Variants in HNRNPA1L2 observed in about 807,000 individuals in gnomAD.
HNRNPA1L2 encodes heterogeneous nuclear ribonucleoprotein A1 like 2.
HNRNPA1L2 carries 10 observed loss-of-function variants against 18.2 expected under a neutral mutation model. The observed-to-expected ratio is 0.55, with a 90% CI of 0.34 to 0.93. The LOEUF is 0.93. HNRNPA1L2 is among the 40% of genes least tolerant of loss of function. The pLI, the probability that HNRNPA1L2 is intolerant of heterozygous loss-of-function variation, is 0.02. For synonymous variants in HNRNPA1L2, 124 were observed against 138.6 expected (o/e 0.89, Z 0.74); for missense variants, 308 against 394.4 (o/e 0.78, Z 1.85).
In HNRNPA1L2 at chr13:52,643,367, G is replaced by T. The variant is rs1357424338; in HGVS notation, c.875G>T (p.Gly292Val). The T allele has an allele frequency of 6.3e-7, 1 of 1,598,480 alleles. No homozygotes were observed. Among genetic ancestry groups the T allele is most frequent in the Admixed American group, 1.7e-5 (1 of 60,018 alleles). The stretch of plus-strand genomic sequence containing the variant: ...AGAAGCTCTGGCCCCTATGGCGGTG[G>T]AGGCCAATACTTTGCAAAACCACAA... Reference protein sequence around the residue: ...GGRSSGPYGGGGQYFAKPQNQ... With the variant: ...GGRSSGPYGGVGQYFAKPQNQ... Residue 292 changes from glycine to valine, a missense_variant, in exon 1 of 1, where the codon GGA becomes GTA. Coordinates refer to ENST00000357495, the MANE Select transcript of HNRNPA1L2 (RefSeq NM_001389320.1).
At chr13:52,621,360 T>G in the HNRNPA1L2 span, among the ~76,000 whole-genome samples, 1 of 152,214 alleles carries the variant, frequency 6.6e-6, no homozygotes, top group Non-Finnish European at 1.5e-5. Flanking sequence ...AGAATGTTGA[T>G]CAGATTAAAA....
At chr13:52,627,672 A>G in the HNRNPA1L2 span, 2 of 152,340 alleles carry the variant, frequency 1.3e-5, no homozygotes, top group Non-Finnish European at 1.5e-5. Flanking sequence ...TATATACCAC[A>G]TAAGTGGAAT....
rs1336457589 is a variant in HNRNPA1L2 at position 52,642,966 on chromosome 13, C to T, written c.474C>T (p.Ser158=). ...FAFVTFDDHD[S]VDKIVIQKYH... is the part of the protein sequence containing the mutation. ...TTGTAACCTTTGACGACCATGACTC[C>T]GTGGATAAGATTGTCATTCAGAAAT... is the stretch of plus-strand genomic sequence containing the variant. Residue 158 remains serine (S), a synonymous_variant, in exon 1 of 1, where the codon TCC becomes TCT. Transcript: ENST00000357495. The T allele has an allele frequency of 1.0e-5, 16 of 1,597,086 alleles. No homozygotes were observed. Among genetic ancestry groups the T allele is most frequent in the Admixed American group, 1.0e-4 (6 of 59,978 alleles).
chr13:52,632,763 T>C, the HNRNPA1L2 span, among the ~76,000 whole-genome samples: 14 of 152,226 alleles, frequency 9.2e-5, no homozygotes, highest in Non-Finnish European at 1.5e-4. Context: ...TCTGGGCAGC[T>C]CTAGAGTCAC....
At chr13:52,642,326 A>C (rs1307066244), upstream of HNRNPA1L2, 1 of 885,976 alleles carries the variant, frequency 1.1e-6, no homozygotes, top group African/African-American at 1.7e-5. Context: ...CATACACTAA[A>C]AAATGTTCAG....
Position 52,643,171 on chromosome 13 carries a change from G to A in HNRNPA1L2, c.679G>A (p.Gly227Ser), listed in dbSNP as rs140864108. The change falls in exon 1 of 1, where the codon GGC becomes AGC. Residue 227 changes from glycine to serine, a missense_variant. Transcript: ENST00000357495. The stretch of plus-strand genomic sequence containing the variant: ...TGGAGGAAACTTCAGTGGTCGTGGT[G>A]GCTTTGGTGGCAGCTGTGGTGGTGG... ...GRGGNFSGRG[G>S]FGGSCGGGGY... is the part of the protein sequence containing the mutation. 4.6e-4 allele frequency: 741 copies of A among 1,598,028 alleles called. No homozygotes were observed. Among genetic ancestry groups the A allele is most frequent in the Middle Eastern group, 2.5e-3 (12 of 4,758 alleles).
chr13:52,636,810 A>G, the HNRNPA1L2 span, among the ~76,000 whole-genome samples: 1 of 152,050 alleles, frequency 6.6e-6, no homozygotes, highest in Admixed American at 6.6e-5. Flanking sequence ...TAAGCTTGCC[A>G]TTATTGTAGT....
chr13:52,640,849 C>G (rs1018661898), upstream of HNRNPA1L2: 1 of 152,318 alleles, frequency 6.6e-6, no homozygotes, highest in Non-Finnish European at 1.5e-5. Context: ...CCTTTCTTGG[C>G]TCTCTTCCCA....
rs1455021674 is a variant in HNRNPA1L2 at position 52,643,724 on chromosome 13, G to A, written c.*269G>A. ...TGTTTTAATGTAGATTTTTTTTTTT[G>A]CACCCATGCTGTTGATTGCTAAATG... On this transcript the variant is annotated 3_prime_UTR_variant, in exon 1 of 1. Coordinates refer to ENST00000357495, the MANE Select transcript of HNRNPA1L2 (RefSeq NM_001389320.1). 21 of 500,512 alleles carry A rather than the reference G, an allele frequency of 4.2e-5. No individual in the cohort carries two copies. Among genetic ancestry groups the A allele is most frequent in the Non-Finnish European group, 6.8e-5 (19 of 280,090 alleles). The allele number at this position is 500,512 out of a possible 1,614,324, so 31.0% of individuals were successfully genotyped here.
At chr13:52,635,834 T>TG in the HNRNPA1L2 span, among the ~76,000 whole-genome samples, 1 of 150,174 alleles carries the variant, frequency 6.7e-6, no homozygotes, top group Non-Finnish European at 1.5e-5. Context: ...TATTACTGTT[T>TG]TTTTTTTTTT....
the HNRNPA1L2 span, among the ~76,000 whole-genome samples, chr13:52,624,219 G>C: frequency 6.6e-6 from 1 of 152,296 alleles, no homozygotes; most frequent in East Asian, 1.9e-4. Context: ...GGTTCAAGCA[G>C]TTCTCTGCCT....
the HNRNPA1L2 span, among the ~76,000 whole-genome samples, chr13:52,626,426 TA>T: frequency 0.068 from 8,900 of 130,768 alleles, 284 homozygotes; most frequent in African/African-American, 0.099. Flanking sequence ...TCCCATCTCT[TA>T]AAAAAAAAAA....
the HNRNPA1L2 span, chr13:52,637,364 C>A: frequency 4.3e-6 from 1 of 230,468 alleles, no homozygotes; most frequent in Non-Finnish European, 9.4e-6. Flanking sequence ...AGAATATGAA[C>A]AACCCCTTGA....
Position 52,643,447 on chromosome 13 carries a change from A to G in HNRNPA1L2, c.955A>G (p.Arg319Gly). Residue 319 changes from arginine (R) to glycine (G), a missense_variant, in exon 1 of 1, where the codon AGA (arginine) becomes GGA (glycine). Coordinates refer to ENST00000357495, the MANE Select transcript of HNRNPA1L2 (RefSeq NM_001389320.1). The part of the protein sequence containing the change: ...SSSSSYGSGR[R>G]F Reference sequence around the variant, plus strand: ...CAGCAGTAGCTATGGCAGTGGCAGAAGATTTTAATTAGGAAACAAAGCTTA... The same window carrying G: ...CAGCAGTAGCTATGGCAGTGGCAGAGGATTTTAATTAGGAAACAAAGCTTA... The G allele has an allele frequency of 6.3e-7, 1 of 1,597,784 alleles. No homozygotes were observed. The highest frequency in any genetic ancestry group is 2.2e-5 in the East Asian group (1 of 44,880).
Position 52,642,840 on chromosome 13 carries a change from T to G in HNRNPA1L2, c.348T>G (p.Thr116=). 6.3e-7 allele frequency: 1 copy of G among 1,596,476 alleles called. No homozygotes were observed. Among genetic ancestry groups the G allele is most frequent in the Non-Finnish European group, 8.5e-7 (1 of 1,179,586 alleles). Residue 116 remains threonine, a synonymous_variant, in exon 1 of 1, where the codon ACT becomes ACG. Coordinates refer to ENST00000357495, the MANE Select transcript of HNRNPA1L2 (RefSeq NM_001389320.1). ...KIFVGGIKED[T]EEHHLRDYFE... Reference sequence around the variant, plus strand: ...TTGTTGGTGGCATTAAAGAAGACACTGAAGAACATCACCTAAGAGATTATT... The same window carrying G: ...TTGTTGGTGGCATTAAAGAAGACACGGAAGAACATCACCTAAGAGATTATT...
the HNRNPA1L2 span, among the ~76,000 whole-genome samples, chr13:52,620,009 A>T: frequency 1.3e-5 from 2 of 150,742 alleles, no homozygotes; most frequent in South Asian, 2.1e-4. Flanking sequence ...TGTACTTATT[A>T]TGAGGATACT....
the HNRNPA1L2 span, among the ~76,000 whole-genome samples, chr13:52,625,372 C>T: frequency 6.6e-6 from 1 of 152,008 alleles, no homozygotes; most frequent in Non-Finnish European, 1.5e-5. Context: ...GCCTCGGCCT[C>T]CTAAAGTGCT....
the HNRNPA1L2 span, among the ~76,000 whole-genome samples, chr13:52,618,630 G>C: frequency 2.0e-5 from 3 of 152,334 alleles, no homozygotes; most frequent in Admixed American, 1.3e-4. Flanking sequence ...GAAGAATGCA[G>C]ATCCGGGGTT....
chr13:52,637,665 G>A (rs1961506114), upstream of HNRNPA1L2, among the ~76,000 whole-genome samples: 1 of 152,022 alleles, frequency 6.6e-6, no homozygotes, highest in Non-Finnish European at 1.5e-5. Flanking sequence ...AGCTCTAACG[G>A]CGATAAAACT....
Sources: gnomAD v4.1 joint callset for allele counts (sites outside exome capture counted in the v4.1 genomes callset) on GRCh38, gnomAD v4.1.1 for gene constraint, MANE v1.5 for transcripts, NCBI Gene and HGNC (gene_info 2026-07-23, HGNC 2026-07-21) for gene names.